CCNJL: variants seen among roughly 807,000 people sequenced by gnomAD.
CCNJL encodes the protein cyclin J like, also known as cyclin-J-like protein.
In CCNJL, 33 loss-of-function variants were observed where a neutral mutation model predicts 33.4. The ratio of observed to expected loss-of-function variants is 0.99; its 90% CI spans 0.75 to 1.32. CCNJL has a LOEUF of 1.32. Among genes scored for constraint, CCNJL ranks in the 40% most tolerant of loss-of-function variants. CCNJL has a pLI of 0.00. For missense variants in CCNJL, 512 were observed against 499.7 expected (o/e 1.02, Z -0.23); for synonymous variants, 227 against 220.9 (o/e 1.03, Z -0.24).
intron 2 of CCNJL, among the ~76,000 whole-genome samples, chr5:160,289,178 C>T (rs761441140): frequency 9.6e-4 from 146 of 152,084 alleles, no homozygotes; most frequent in Non-Finnish European, 1.6e-3. Context: ...CTGTGGGCTT[C>T]CCACCGCCAG....
upstream of CCNJL, chr5:160,312,743 A>C (rs1763317809): frequency 6.6e-6 from 1 of 151,508 alleles, no homozygotes; most frequent in African/African-American, 2.4e-5. Flanking sequence ...CTTCTCTCTC[A>C]CCTTCGCTGA....
At chr5:160,326,037 C>T (rs779087462) in intron 1 of CCNJL, among the ~76,000 whole-genome samples, 23 of 152,278 alleles carry the variant, frequency 1.5e-4, no homozygotes, top group African/African-American at 2.4e-4. Context: ...AACTGTGGAG[C>T]GTGCACGTAC....
chr5:160,309,617 C>T (rs887902664), intron 2 of CCNJL, among the ~76,000 whole-genome samples: 2 of 152,192 alleles, frequency 1.3e-5, no homozygotes, highest in African/African-American at 4.8e-5. Context: ...TCAAGAAAGG[C>T]GAGGCTAGTA....
At chr5:160,290,250 A>C (rs2113386562) in intron 2 of CCNJL, among the ~76,000 whole-genome samples, 1 of 151,378 alleles carries the variant, frequency 6.6e-6, no homozygotes, top group South Asian at 2.1e-4. Context: ...CTTAAAAGTC[A>C]CTTCTTTTTT....
In CCNJL at chr5:160,280,749, G is replaced by GGC. The variant is rs1762182394; in HGVS notation, c.67-13_67-12dup. ...GGGCAGCTTCAGTTCCTGGAGGACA[G>GGC]GCGGGGCGGAGGGGTGACGGTCAGG... On this transcript the variant is annotated splice_polypyrimidine_tract_variant and intron_variant, in intron 2 of 5. Transcript: ENST00000257536. 1.3e-6 allele frequency: 2 copies of GGC among 1,575,544 alleles called. No homozygotes were observed. Among genetic ancestry groups the GGC allele is most frequent in the African/African-American group, 2.7e-5 (2 of 73,962 alleles).
intron 3 of CCNJL, among the ~76,000 whole-genome samples, chr5:160,274,400 A>C (rs1221780304): frequency 1.3e-5 from 2 of 152,158 alleles, no homozygotes; most frequent in South Asian, 2.1e-4. Flanking sequence ...CAGAGGTTGC[A>C]ATGAGCCAAG....
chr5:160,319,626 G>A (rs772669550), intron 1 of CCNJL, among the ~76,000 whole-genome samples: 5 of 152,094 alleles, frequency 3.3e-5, no homozygotes, highest in Non-Finnish European at 7.4e-5. Context: ...GTCAATATAG[G>A]TTTACTGAAA....
Position 160,259,466 on chromosome 5 carries a change from C to A in CCNJL, c.583+3G>T, listed in dbSNP as rs2113235674. The A allele has an allele frequency of 6.2e-7, 1 of 1,605,954 alleles. No homozygotes were observed. Among genetic ancestry groups the A allele is most frequent in the South Asian group, 1.1e-5 (1 of 90,202 alleles). On this transcript the variant is annotated splice_donor_region_variant and intron_variant, in intron 4 of 5. Transcript: ENST00000257536. ...GGTCCTGCCATCGGGTCCCAGCTGT[C>A]ACCTTGCAGGGTGACCTCTAGGAAG...
In CCNJL at chr5:160,258,362, C is replaced by T; in HGVS notation, c.583+1107G>A. 3 of 771,578 alleles carry T rather than the reference C, an allele frequency of 3.9e-6. No individual in the cohort carries two copies. In the East Asian group the frequency reaches 7.3e-5, roughly 19 times the overall value. The allele number at this position is 771,578 out of a possible 1,614,324, so 47.8% of individuals were successfully genotyped here. ...AAACTGGGGTTAATGAAAGATGATACAATATATGAGAATGAAGATGTGAAA... is the reference window on the plus strand; with the variant it reads ...AAACTGGGGTTAATGAAAGATGATATAATATATGAGAATGAAGATGTGAAA... On this transcript the variant is annotated intron_variant, in intron 4 of 5. Transcript: ENST00000257536.
intron 1 of CCNJL, among the ~76,000 whole-genome samples, chr5:160,321,416 G>A (rs1314264359): frequency 1.3e-5 from 2 of 152,130 alleles, no homozygotes; most frequent in South Asian, 2.1e-4. Context: ...CAGCAGCAGG[G>A]TGCTGCTTTC....
At chr5:160,317,872 C>G (rs1428315675), upstream of CCNJL, among the ~76,000 whole-genome samples, 2 of 152,168 alleles carry the variant, frequency 1.3e-5, no homozygotes, top group African/African-American at 2.4e-5. Flanking sequence ...CTTTTTTCCT[C>G]TTCCTGGTTT....
At chr5:160,288,546 T>G (rs1762480477) in intron 2 of CCNJL, among the ~76,000 whole-genome samples, 1 of 152,110 alleles carries the variant, frequency 6.6e-6, no homozygotes, top group South Asian at 2.1e-4. Flanking sequence ...TTTTTACTAA[T>G]TATAAATTAT....
At chr5:160,332,235 C>G (rs1198496166) in intron 1 of CCNJL, among the ~76,000 whole-genome samples, 1 of 152,164 alleles carries the variant, frequency 6.6e-6, no homozygotes, top group Non-Finnish European at 1.5e-5. Flanking sequence ...ACACATGCTG[C>G]CTGCTTTCTT....
Position 160,249,336 on chromosome 5 carries a change from T to C in CCNJL, c.*4042A>G, listed in dbSNP as rs1760746697. The C allele has an allele frequency of 6.6e-6, 1 of 152,246 alleles. No individual in the cohort carries two copies. Among genetic ancestry groups the C allele is most frequent in the African/African-American group, 2.4e-5 (1 of 41,468 alleles). The allele number at this position is 152,246 out of a possible 1,614,324, so 9.4% of individuals were successfully genotyped here. On this transcript the variant is annotated 3_prime_UTR_variant, in exon 6 of 6. Transcript: ENST00000257536. ...TTAAAAGGTGGAAAAAGTTCTATTA[T>C]GTTGACATGCTTAAATATTGGTATA... is the stretch of plus-strand genomic sequence containing the variant.
intron 1 of CCNJL, among the ~76,000 whole-genome samples, chr5:160,327,125 A>G (rs1261776771): frequency 1.3e-5 from 2 of 152,196 alleles, no homozygotes; most frequent in African/African-American, 4.8e-5. Flanking sequence ...GTATTTAAAA[A>G]AAAAAAAAGC....
intron 2 of CCNJL, among the ~76,000 whole-genome samples, chr5:160,288,194 C>T (rs1328841788): frequency 2.0e-5 from 3 of 151,600 alleles, no homozygotes; most frequent in Admixed American, 6.6e-5. Flanking sequence ...ACAGTGGCTA[C>T]GGAGGAGAGG....
chr5:160,327,516 A>G (rs1369692790), intron 1 of CCNJL, among the ~76,000 whole-genome samples: 2 of 152,232 alleles, frequency 1.3e-5, no homozygotes, highest in Non-Finnish European at 2.9e-5. Flanking sequence ...AGCCTTCTCC[A>G]ATGCAGCGAT....
chr5:160,289,365 G>A (rs1394844455), intron 2 of CCNJL, among the ~76,000 whole-genome samples: 1 of 152,120 alleles, frequency 6.6e-6, no homozygotes, highest in Non-Finnish European at 1.5e-5. Flanking sequence ...TGAATACATG[G>A]AGAGTGTTTT....
At chr5:160,261,729 C>T (rs944665748) in intron 3 of CCNJL, among the ~76,000 whole-genome samples, 11 of 152,164 alleles carry the variant, frequency 7.2e-5, no homozygotes, top group Non-Finnish European at 1.6e-4. Context: ...TATCGGTGTC[C>T]TCCAGAGCTC....
Sources: allele counts gnomAD v4.1 joint callset (sites outside exome capture counted in the v4.1 genomes callset), GRCh38; gene constraint gnomAD v4.1.1; transcripts MANE v1.5; gene names NCBI Gene and HGNC (gene_info 2026-07-23, HGNC 2026-07-21).